The following ROBO1 variants were observed in gnomAD, a reference collection of about 807,000 sequenced individuals.
The protein encoded by ROBO1 is roundabout guidance receptor 1, also known as roundabout homolog 1.
A neutral mutation model predicts 195.9 loss-of-function variants in ROBO1; 149 were observed. The ratio of observed to expected loss-of-function variants is 0.76; its 90% CI spans 0.67 to 0.87. The LOEUF is 0.87. Among genes scored for constraint, ROBO1 ranks in the 40% least tolerant of loss-of-function variants. The pLI is 0.00. For synonymous variants in ROBO1, 816 were observed against 733.2 expected (o/e 1.11, Z -1.82); for missense variants, 1,933 against 2,068.3 (o/e 0.93, Z 1.27).
chr3:79,667,553 T>C (rs1043324024), intron 1 of ROBO1, among the ~76,000 whole-genome samples: 1 of 151,882 alleles, frequency 6.6e-6, no homozygotes, highest in Non-Finnish European at 1.5e-5. Context: ...AGTATCTTAA[T>C]ACTGTTTGAA....
At chr3:79,310,381 T>G (rs1468970988) in intron 2 of ROBO1, among the ~76,000 whole-genome samples, 1 of 152,116 alleles carries the variant, frequency 6.6e-6, no homozygotes. Flanking sequence ...ATCCCATAGC[T>G]CCATATGATC....
At chr3:79,258,388 A>T (rs2082877326) in intron 2 of ROBO1, among the ~76,000 whole-genome samples, 1 of 152,244 alleles carries the variant, frequency 6.6e-6, no homozygotes, top group East Asian at 1.9e-4. Flanking sequence ...TATGTCTGTG[A>T]TAATTACAGT....
At chr3:79,405,715 A>C (rs2037519618) in intron 2 of ROBO1, among the ~76,000 whole-genome samples, 1 of 152,214 alleles carries the variant, frequency 6.6e-6, no homozygotes, top group African/African-American at 2.4e-5. Flanking sequence ...TTGTGGATCA[A>C]ACACATATAC....
intron 3 of ROBO1, among the ~76,000 whole-genome samples, chr3:79,070,393 A>C (rs532179724): frequency 1.3e-3 from 200 of 152,032 alleles, no homozygotes; most frequent in Non-Finnish European, 2.2e-3. Flanking sequence ...AATCTATGTA[A>C]GTGGAAAACT....
At chr3:79,647,578 C>T (rs889558128) in intron 1 of ROBO1, among the ~76,000 whole-genome samples, 2 of 107,800 alleles carry the variant, frequency 1.9e-5, no homozygotes, top group Non-Finnish European at 4.0e-5. Context: ...GTACTATCGG[C>T]ATCTTGTAAG....
Position 78,723,953 on chromosome 3 carries a change from T to A in ROBO1, c.658-6070A>T, listed in dbSNP as rs187434850. 2.0e-3 allele frequency among the ~76,000 whole-genome samples: 301 copies of A among 152,266 alleles called. 1 individual carries two copies. Among genetic ancestry groups the A allele is most frequent in the South Asian group, 6.2e-3 (30 of 4,820 alleles). ...ATTTCCCATCTCAACAATAAACCAA[T>A]TTCATTATAAAATACAACATTCTGT... On this transcript the variant is annotated intron_variant, in intron 5 of 30. Transcript: ENST00000464233.
intron 2 of ROBO1, among the ~76,000 whole-genome samples, chr3:79,284,634 G>C (rs562206565): frequency 4.6e-5 from 7 of 152,154 alleles, no homozygotes; most frequent in Non-Finnish European, 1.0e-4. Flanking sequence ...GGAGCATTGA[G>C]AAAAGAATGG....
chr3:78,812,342 T>A (rs2084768179), intron 4 of ROBO1, among the ~76,000 whole-genome samples: 1 of 152,134 alleles, frequency 6.6e-6, no homozygotes, highest in South Asian at 2.1e-4. Context: ...CCTAATTCAC[T>A]CAGTCCCAGC....
intron 2 of ROBO1, among the ~76,000 whole-genome samples, chr3:79,464,586 G>A (rs970403129): frequency 1.3e-5 from 2 of 152,002 alleles, no homozygotes; most frequent in African/African-American, 4.8e-5. Context: ...CAGATCCTTT[G>A]TGCATTTAAA....
At position 78,678,400 on chromosome 3, in the gene ROBO1, A is replaced by T. The variant is rs1285185219; in HGVS notation, c.1342+7346T>A. On this transcript the variant is annotated intron_variant, in intron 10 of 30. Coordinates refer to ENST00000464233, the MANE Select transcript of ROBO1 (RefSeq NM_002941.4). The stretch of plus-strand genomic sequence containing the variant: ...TGAAACCAAGAGCTGGTTTTTTGAA[A>T]GGATCAACAAAATTGATAGACAGCT... Among the ~76,000 whole-genome samples, 3 of 152,208 alleles carry T rather than the reference A, an allele frequency of 2.0e-5. No individual in the cohort carries two copies. In the East Asian group the frequency reaches 5.8e-4, roughly 29 times the overall value.
chr3:79,706,996 T>C (rs1947792877), intron 1 of ROBO1, among the ~76,000 whole-genome samples: 1 of 152,134 alleles, frequency 6.6e-6, no homozygotes, highest in Non-Finnish European at 1.5e-5. Flanking sequence ...GTTTTAATAA[T>C]AGAGTGACAC....
chr3:79,654,864 G>T (rs1386316019), intron 1 of ROBO1, among the ~76,000 whole-genome samples: 2 of 151,888 alleles, frequency 1.3e-5, no homozygotes, highest in East Asian at 1.9e-4. Context: ...GTTTGGCTCT[G>T]ATGATCCACA....
chr3:79,748,757 G>A (rs912694549), intron 1 of ROBO1, among the ~76,000 whole-genome samples: 1 of 152,054 alleles, frequency 6.6e-6, no homozygotes, highest in South Asian at 2.1e-4. Context: ...TTGCCTGCAC[G>A]AGCTCTTTGC....
chr3:79,444,012 G>A (rs562462495), intron 2 of ROBO1, among the ~76,000 whole-genome samples: 1 of 151,810 alleles, frequency 6.6e-6, no homozygotes, highest in African/African-American at 2.4e-5. Flanking sequence ...ATTTATACCA[G>A]TCACAAAAAT....
At chr3:78,966,440 G>A (rs945314859) in intron 3 of ROBO1, among the ~76,000 whole-genome samples, 1 of 152,030 alleles carries the variant, frequency 6.6e-6, no homozygotes, top group Admixed American at 6.6e-5. Flanking sequence ...AGAGAGGTCG[G>A]GACTGCTAAT....
chr3:79,114,080 G>A (rs972699420), intron 3 of ROBO1, among the ~76,000 whole-genome samples: 1 of 152,162 alleles, frequency 6.6e-6, no homozygotes, highest in Admixed American at 6.5e-5. Context: ...TGCACAAGCT[G>A]TCTTTCCTGC....
At chr3:79,193,662 C>A (rs1456680653) in intron 2 of ROBO1, among the ~76,000 whole-genome samples, 6 of 147,262 alleles carry the variant, frequency 4.1e-5, no homozygotes, top group Admixed American at 2.7e-4. Context: ...TATTCCCTAC[C>A]TTTCTCTGAT....
intron 2 of ROBO1, among the ~76,000 whole-genome samples, chr3:79,277,519 A>C (rs1022163860): frequency 6.6e-6 from 1 of 152,082 alleles, no homozygotes; most frequent in African/African-American, 2.4e-5. Flanking sequence ...GTTAATGGGT[A>C]CAAAAATATG....
chr3:79,447,867 G>A (rs530864364), intron 2 of ROBO1, among the ~76,000 whole-genome samples: 72 of 152,176 alleles, frequency 4.7e-4, no homozygotes, highest in African/African-American at 1.7e-3. Context: ...TACGTGGGTG[G>A]TGGGGTTAAC....
Sources: allele counts gnomAD v4.1 joint callset (sites outside exome capture counted in the v4.1 genomes callset), GRCh38; gene constraint gnomAD v4.1.1; transcripts MANE v1.5; gene names NCBI Gene and HGNC (gene_info 2026-07-23, HGNC 2026-07-21).